TNIK: variants seen among roughly 807,000 people sequenced by gnomAD.
TNIK encodes TRAF2 and NCK-interacting protein kinase.
TNIK carries 49 observed loss-of-function variants against 191.3 expected under a neutral mutation model. That is an observed-to-expected ratio of 0.26 (90% CI 0.20 to 0.32). TNIK has a LOEUF of 0.32. Among genes scored for constraint, TNIK ranks in the 10% least tolerant of loss-of-function variants. TNIK has a pLI of 1.00. For missense variants in TNIK, 1,155 were observed against 1,702.3 expected (o/e 0.68, Z 5.66); for synonymous variants, 594 against 600.9 (o/e 0.99, Z 0.17).
rs570184598 is a variant in TNIK, at chr3:171,117,733, G to C, written c.2120+5863C>G. Among the ~76,000 whole-genome samples, 18 of 152,278 alleles carry C rather than the reference G, an allele frequency of 1.2e-4. No individual in the cohort carries two copies. In the South Asian group the frequency reaches 3.7e-3, roughly 32 times the overall value. On this transcript the variant is annotated intron_variant, in intron 18 of 32. Transcript: ENST00000436636. The stretch of plus-strand genomic sequence containing the variant: ...CACCTGTAATCCCAGCACTTTGGGA[G>C]GCCGAGACAGGTGGATCACGAGGTC...
chr3:171,086,042 A>G (rs1421286779), intron 24 of TNIK, among the ~76,000 whole-genome samples: 1 of 152,212 alleles, frequency 6.6e-6, no homozygotes, highest in African/African-American at 2.4e-5. Flanking sequence ...AATGTCAGTC[A>G]TGTCCATTTC....
At chr3:171,355,040 C>T (rs965335445) in intron 2 of TNIK, among the ~76,000 whole-genome samples, 3 of 152,106 alleles carry the variant, frequency 2.0e-5, no homozygotes, top group African/African-American at 7.2e-5. Flanking sequence ...TTCTTGGTCA[C>T]ATCTTAATTT....
chr3:171,170,400 C>T (rs1203830677), intron 9 of TNIK, among the ~76,000 whole-genome samples: 1 of 152,196 alleles, frequency 6.6e-6, no homozygotes, highest in Non-Finnish European at 1.5e-5. Context: ...AATCATCAGA[C>T]TCCCTAAACG....
At chr3:171,293,312 T>TCTTGTAGGCGTGGG (rs1751900832) in intron 2 of TNIK, among the ~76,000 whole-genome samples, 2 of 152,236 alleles carry the variant, frequency 1.3e-5, no homozygotes, top group African/African-American at 4.8e-5. Flanking sequence ...AGATTCACAA[T>TCTTGTAGGCGTGGG]GTATCTTCTA....
At chr3:171,417,960 G>T (rs745623684) in intron 1 of TNIK, among the ~76,000 whole-genome samples, 8 of 152,166 alleles carry the variant, frequency 5.3e-5, no homozygotes, top group Non-Finnish European at 1.2e-4. Context: ...CTCCCTCTCT[G>T]AGAGGTTACC....
rs575526699 is a variant in TNIK at position 171,258,154 on chromosome 3, T to TA, written c.124-29934dup. 4.1e-4 allele frequency among the ~76,000 whole-genome samples: 62 copies of TA among 152,292 alleles called. 1 individual carries two copies. In the East Asian group the frequency reaches 0.011, roughly 26 times the overall value. ...CATCTCTGGGAAGACACGTGGGCAG[T>TA]AAAATATAGCTGTACCAAGGCTTTG... On this transcript the variant is annotated intron_variant, in intron 2 of 32. Coordinates refer to ENST00000436636, the MANE Select transcript of TNIK (RefSeq NM_015028.4).
At chr3:171,430,233 C>T (rs1444347166) in intron 1 of TNIK, among the ~76,000 whole-genome samples, 1 of 152,174 alleles carries the variant, frequency 6.6e-6, no homozygotes, top group Non-Finnish European at 1.5e-5. Context: ...CAAGTAGTTT[C>T]ATCGCAATAT....
chr3:171,165,779 T>C (rs545688229), intron 10 of TNIK, among the ~76,000 whole-genome samples: 13 of 152,262 alleles, frequency 8.5e-5, no homozygotes, highest in Admixed American at 4.6e-4. Flanking sequence ...CACCACACTG[T>C]TAATGCTCAG....
At chr3:171,104,716 TC>T (rs1200058802) in intron 21 of TNIK, among the ~76,000 whole-genome samples, 8 of 152,190 alleles carry the variant, frequency 5.3e-5, no homozygotes, top group African/African-American at 1.9e-4. Context: ...AGCTTTTTTT[TC>T]TCTTTGTATT....
chr3:171,307,169 T>G (rs1224042691), intron 2 of TNIK, among the ~76,000 whole-genome samples: 1 of 152,128 alleles, frequency 6.6e-6, no homozygotes, highest in Admixed American at 6.5e-5. Flanking sequence ...TCTATTAAAT[T>G]TTATGGGTGG....
chr3:171,177,143 C>T (rs1736062263), intron 8 of TNIK, among the ~76,000 whole-genome samples, 183 bp downstream of exon 8: 1 of 151,846 alleles, frequency 6.6e-6, no homozygotes, highest in African/African-American at 2.4e-5. Context: ...AGGATTCTCC[C>T]ACTGCTCTGA....
At chr3:171,381,448 G>C (rs575384205) in intron 1 of TNIK, among the ~76,000 whole-genome samples, 1 of 152,254 alleles carries the variant, frequency 6.6e-6, no homozygotes, top group East Asian at 1.9e-4. Flanking sequence ...AGGAAGCTTT[G>C]TATCTCCTCT....
At chr3:171,322,680 G>A (rs890179848) in intron 2 of TNIK, among the ~76,000 whole-genome samples, 1 of 152,038 alleles carries the variant, frequency 6.6e-6, no homozygotes, top group African/African-American at 2.4e-5. Context: ...ACACAAAATG[G>A]TGTAAAAATA....
At chr3:171,358,399 T>C (rs968196370) in intron 2 of TNIK, among the ~76,000 whole-genome samples, 1 of 152,160 alleles carries the variant, frequency 6.6e-6, no homozygotes, top group Non-Finnish European at 1.5e-5. Context: ...AATGCTTGTG[T>C]AGGGCAACTC....
rs1576759520 is a variant in TNIK at position 171,083,172 on chromosome 3, A to G, written c.3170-778T>C. Among the ~76,000 whole-genome samples the G allele has an allele frequency of 2.6e-5, 4 of 152,290 alleles. No individual in the cohort carries two copies. The Middle Eastern group carries it at 0.01, about 388-fold the overall frequency. On this transcript the variant is annotated intron_variant, in intron 26 of 32. Coordinates refer to ENST00000436636, the MANE Select transcript of TNIK (RefSeq NM_015028.4). ...ACACACATTGAGAGGCTCATTGTGC[A>G]GTGTACTTTATTCATGAACATGTAA... is the stretch of plus-strand genomic sequence containing the variant.
In TNIK at chr3:171,110,681, G is replaced by A. The variant is rs767371113; in HGVS notation, c.2284+33C>T. On this transcript the variant is annotated intron_variant, in intron 19 of 32. Transcript: ENST00000436636. ...CTGTCCACAGCTTTCCTCCCAGGCA[G>A]TATTGCCAGGTAAAGGTAAGAGAAA... 3 of 1,549,064 alleles carry A rather than the reference G, an allele frequency of 1.9e-6. No individual in the cohort carries two copies. The African/African-American group carries it at 4.1e-5, about 21-fold the overall frequency.
At chr3:171,451,829 A>G (rs776704862) in intron 1 of TNIK, among the ~76,000 whole-genome samples, 31 of 152,206 alleles carry the variant, frequency 2.0e-4, no homozygotes, top group Non-Finnish European at 3.7e-4. Context: ...ACACAAACAA[A>G]TAAATGAATG....
At chr3:171,433,148 G>A (rs1410304301) in intron 1 of TNIK, among the ~76,000 whole-genome samples, 1 of 151,928 alleles carries the variant, frequency 6.6e-6, no homozygotes. Flanking sequence ...ACAGGTTTAA[G>A]TATATATTCA....
chr3:171,174,594 T>C (rs192740268), intron 9 of TNIK, among the ~76,000 whole-genome samples: 2 of 148,768 alleles, frequency 1.3e-5, no homozygotes, highest in East Asian at 4.0e-4. Context: ...TTCCCAAATG[T>C]CAGTCAGTCA....
Sources: gnomAD v4.1 joint callset for allele counts (sites outside exome capture counted in the v4.1 genomes callset) on GRCh38, gnomAD v4.1.1 for gene constraint, MANE v1.5 for transcripts, NCBI Gene and HGNC (gene_info 2026-07-23, HGNC 2026-07-21) for gene names.